The following TASP1 variants were observed in gnomAD, a reference collection of about 807,000 sequenced individuals.
TASP1 encodes threonine aspartase 1.
A neutral mutation model predicts 56.6 loss-of-function variants in TASP1; 16 were observed. The observed-to-expected ratio is 0.28, with a 90% CI of 0.19 to 0.43. The LOEUF (loss-of-function observed/expected upper bound fraction) is 0.43, where lower values mean the gene tolerates loss of function less well. TASP1 is among the 20% of genes least tolerant of loss of function. The pLI is 1.00. For missense variants in TASP1, 393 were observed against 511.6 expected (o/e 0.77, Z 2.24); for synonymous variants, 179 against 184.2 (o/e 0.97, Z 0.23).
chr20:13,207,775 A>T, the TASP1 span, among the ~76,000 whole-genome samples: 1 of 152,102 alleles, frequency 6.6e-6, no homozygotes, highest in Non-Finnish European at 1.5e-5. Flanking sequence ...ATAGAGAAAC[A>T]CCCTCACAGA....
At chr20:13,530,020 G>A (rs768393868) in intron 9 of TASP1, among the ~76,000 whole-genome samples, 4 of 152,086 alleles carry the variant, frequency 2.6e-5, no homozygotes, top group African/African-American at 9.7e-5. Flanking sequence ...TGGAAGTACT[G>A]TAACCTCCCC....
the TASP1 span, among the ~76,000 whole-genome samples, chr20:13,345,814 G>A: frequency 6.6e-6 from 1 of 151,216 alleles, no homozygotes; most frequent in Admixed American, 6.6e-5. Context: ...GGGCAGCTGA[G>A]GATGGTGAGC....
chr20:13,474,549 G>C (rs2044648959), intron 11 of TASP1, among the ~76,000 whole-genome samples: 1 of 152,158 alleles, frequency 6.6e-6, no homozygotes, highest in Non-Finnish European at 1.5e-5. Context: ...TGGGTACTAA[G>C]GTTGGTTCCA....
chr20:13,508,844 T>A (rs2044222421), intron 10 of TASP1, among the ~76,000 whole-genome samples: 1 of 152,076 alleles, frequency 6.6e-6, no homozygotes, highest in South Asian at 2.1e-4. Flanking sequence ...ATAAAAAGTG[T>A]TGACAAGGAT....
At chr20:13,346,444 G>A in the TASP1 span, among the ~76,000 whole-genome samples, 1 of 152,212 alleles carries the variant, frequency 6.6e-6, no homozygotes, top group Non-Finnish European at 1.5e-5. Context: ...GCAGGAAGAT[G>A]TTTTTCTGCA....
intron 8 of TASP1, among the ~76,000 whole-genome samples, chr20:13,547,339 T>A (rs912702557): frequency 9.8e-5 from 15 of 152,320 alleles, no homozygotes; most frequent in African/African-American, 3.6e-4. Context: ...AGAGTTGAAT[T>A]AGAATTTTCA....
chr20:13,321,533 A>G, the TASP1 span, among the ~76,000 whole-genome samples: 1 of 152,174 alleles, frequency 6.6e-6, no homozygotes, highest in Non-Finnish European at 1.5e-5. Flanking sequence ...CAAGGTAAAC[A>G]TAATCCTTCC....
At chr20:13,304,856 C>A in the TASP1 span, among the ~76,000 whole-genome samples, 1 of 152,148 alleles carries the variant, frequency 6.6e-6, no homozygotes. Flanking sequence ...TTATTAGCTT[C>A]CTTGCCTTCC....
chr20:13,141,181 G>C, the TASP1 span, among the ~76,000 whole-genome samples: 2 of 152,222 alleles, frequency 1.3e-5, no homozygotes, highest in Non-Finnish European at 2.9e-5. Context: ...TTTTTGACAT[G>C]AGATACATTC....
chr20:13,223,762 A>G, the TASP1 span, among the ~76,000 whole-genome samples: 5 of 152,196 alleles, frequency 3.3e-5, no homozygotes. Flanking sequence ...GGCACCCACC[A>G]ATCTAACACT....
chr20:13,349,482 T>C, the TASP1 span, among the ~76,000 whole-genome samples: 3 of 152,322 alleles, frequency 2.0e-5, no homozygotes, highest in East Asian at 3.9e-4. Context: ...AGAATATTTA[T>C]ACAAAAATCC....
chr20:13,212,699 G>A, the TASP1 span, among the ~76,000 whole-genome samples: 435 of 152,190 alleles, frequency 2.9e-3, 4 homozygotes, highest in African/African-American at 1.0e-2. Flanking sequence ...TACAATTTCA[G>A]AATCAAGTTA....
At chr20:13,143,611 T>C in the TASP1 span, among the ~76,000 whole-genome samples, 7 of 152,164 alleles carry the variant, frequency 4.6e-5, no homozygotes, top group African/African-American at 1.7e-4. Flanking sequence ...GGCAAAAGTC[T>C]GGGGGGCTTC....
At chr20:13,217,523 A>C in the TASP1 span, among the ~76,000 whole-genome samples, 4 of 152,038 alleles carry the variant, frequency 2.6e-5, no homozygotes, top group East Asian at 3.9e-4. Context: ...ACTTCCTTAA[A>C]ATATTCCAGT....
At chr20:13,157,463 C>T in the TASP1 span, among the ~76,000 whole-genome samples, 1 of 152,056 alleles carries the variant, frequency 6.6e-6, no homozygotes, top group Admixed American at 6.6e-5. Context: ...CTCTAAGACT[C>T]ACACAGGTTG....
the TASP1 span, among the ~76,000 whole-genome samples, chr20:13,302,104 A>T: frequency 6.6e-6 from 1 of 152,244 alleles, no homozygotes; most frequent in Non-Finnish European, 1.5e-5. Context: ...TTATGGAGCC[A>T]TGTCTAAGGT....
chr20:13,160,070 C>G, the TASP1 span: 5 of 1,613,728 alleles, frequency 3.1e-6, no homozygotes, highest in Non-Finnish European at 4.2e-6. Context: ...AGCCACTCCC[C>G]TCGCAGAAGC....
chr20:13,623,332 G>A (rs927554055), intron 4 of TASP1, 114 bp downstream of exon 4: 29 of 759,996 alleles, frequency 3.8e-5, no homozygotes, highest in Middle Eastern at 2.4e-4. Flanking sequence ...GCTAATATTG[G>A]TGGGAAACAC....
At chr20:13,516,728 AAAC>A (rs1241134995) in intron 10 of TASP1, among the ~76,000 whole-genome samples, 3 of 151,572 alleles carry the variant, frequency 2.0e-5, no homozygotes, top group Admixed American at 6.6e-5. Context: ...TTCTTTCACA[AAAC>A]AACAACAAAG....
Sources: gnomAD v4.1 joint callset for allele counts (sites outside exome capture counted in the v4.1 genomes callset) on GRCh38, gnomAD v4.1.1 for gene constraint, MANE v1.5 for transcripts, NCBI Gene and HGNC (gene_info 2026-07-23, HGNC 2026-07-21) for gene names.